Variants in SDCCAG8 observed in about 807,000 individuals in gnomAD.
SDCCAG8 encodes the protein serologically defined colon cancer antigen 8.
SDCCAG8 carries 74 observed loss-of-function variants against 101.8 expected under a neutral mutation model. The ratio of observed to expected loss-of-function variants is 0.73; its 90% confidence interval spans 0.60 to 0.88. The LOEUF is 0.88. Ranked by LOEUF, SDCCAG8 falls within the 40% of genes least tolerant of loss-of-function variation. The probability of loss-of-function intolerance (pLI) is 0.00; values close to 1 mark genes in which losing one functional copy is unlikely to be tolerated. For missense variants in SDCCAG8, 787 were observed against 822.6 expected (o/e 0.96, Z 0.53); for synonymous variants, 281 against 292.9 (o/e 0.96, Z 0.41).
intron 10 of SDCCAG8, among the ~76,000 whole-genome samples, chr1:243,340,307 T>C (rs2075308403): frequency 6.6e-6 from 1 of 152,166 alleles, no homozygotes; most frequent in African/African-American, 2.4e-5. Flanking sequence ...TATTAATCTT[T>C]ACAGTGTGGG....
At chr1:243,359,847 C>T (rs944283795) in intron 12 of SDCCAG8, among the ~76,000 whole-genome samples, 2 of 152,158 alleles carry the variant, frequency 1.3e-5, no homozygotes, top group African/African-American at 2.4e-5. Flanking sequence ...CTTTGTTGTG[C>T]TATGTCTGAT....
rs116492077 is a variant in SDCCAG8, at chr1:243,326,340, G to T, written c.1069-4200G>T. Among the ~76,000 whole-genome samples the T allele has an allele frequency of 3.5e-3, 526 of 152,228 alleles. 2 individuals are homozygous for T. The highest frequency in any genetic ancestry group is 0.012 in the African/African-American group (482 of 41,556). On this transcript the variant is annotated intron_variant, in intron 9 of 17. Transcript: ENST00000366541. ...GGTAGGTTGAACAAATATTTACAAA[G>T]ACTTTTTCTCCCTTTTCAAATATCC...
At chr1:243,498,076 G>A (rs986522047) in intron 17 of SDCCAG8, among the ~76,000 whole-genome samples, 6 of 152,190 alleles carry the variant, frequency 3.9e-5, no homozygotes, top group African/African-American at 1.2e-4. Context: ...ACTGTGTCAA[G>A]AGCGAGGCCA....
intron 3 of SDCCAG8, among the ~76,000 whole-genome samples, chr1:243,274,267 GCACCAAGATTCATTCAT>G (rs2068335421): frequency 1.3e-5 from 2 of 152,292 alleles, no homozygotes; most frequent in African/African-American, 4.8e-5. Flanking sequence ...CATGAGGATA[GCACCAAGATTCATTCAT>G]CATGACCGAA....
intron 13 of SDCCAG8, among the ~76,000 whole-genome samples, chr1:243,382,394 A>T (rs750808157): frequency 4.6e-5 from 7 of 152,170 alleles, no homozygotes; most frequent in Admixed American, 1.3e-4. Context: ...ATTAACTAAG[A>T]ATGGTTTTTA....
chr1:243,471,867 G>A (rs1211742473), intron 16 of SDCCAG8, among the ~76,000 whole-genome samples: 1 of 152,140 alleles, frequency 6.6e-6, no homozygotes, highest in Non-Finnish European at 1.5e-5. Context: ...TGAGACCTCA[G>A]GATTCTACTC....
At chr1:243,489,226 C>A (rs910389811) in intron 17 of SDCCAG8, 86 bp downstream of exon 17, 1 of 1,525,112 alleles carries the variant, frequency 6.6e-7, no homozygotes, top group Admixed American at 1.9e-5. Flanking sequence ...GGCCGGCTTT[C>A]TCACGGATCA....
At chr1:243,355,817 C>T (rs1374148538) in intron 12 of SDCCAG8, among the ~76,000 whole-genome samples, 1 of 152,090 alleles carries the variant, frequency 6.6e-6, no homozygotes, top group African/African-American at 2.4e-5. Context: ...GCTATGTTGC[C>T]CAGGCTGGTT....
At chr1:243,294,709 C>T (rs979196045) in intron 6 of SDCCAG8, among the ~76,000 whole-genome samples, 2 of 136,348 alleles carry the variant, frequency 1.5e-5, no homozygotes, top group African/African-American at 5.4e-5. Flanking sequence ...CCCCCCCCCC[C>T]ACAGCTGCCT....
chr1:243,285,082 C>T (rs772040834), intron 4 of SDCCAG8, among the ~76,000 whole-genome samples: 5 of 152,088 alleles, frequency 3.3e-5, no homozygotes, highest in Admixed American at 6.6e-5. Context: ...GGGGTTTCAC[C>T]GTATTGGCCA....
chr1:243,327,697 A>C (rs2074289265), intron 9 of SDCCAG8, among the ~76,000 whole-genome samples: 1 of 152,106 alleles, frequency 6.6e-6, no homozygotes, highest in Non-Finnish European at 1.5e-5. Flanking sequence ...AGAGAGCTTT[A>C]ATGGAGATAG....
chr1:243,382,676 A>G (rs1348696671), intron 13 of SDCCAG8, among the ~76,000 whole-genome samples: 3 of 152,186 alleles, frequency 2.0e-5, no homozygotes, highest in Admixed American at 2.0e-4. Context: ...TATGTATTTA[A>G]AGAAGGTAAT....
In SDCCAG8 at chr1:243,476,999, TAC is replaced by T. The variant is rs531152514; in HGVS notation, c.1986-11981_1986-11980del. ...TGCAGCTTACTGTCAACTGGTTCTG[TAC>T]ACACACACACACACACACACACACA... On this transcript the variant is annotated intron_variant, in intron 16 of 17. Coordinates refer to ENST00000366541, the MANE Select transcript of SDCCAG8 (RefSeq NM_006642.5). Among the ~76,000 whole-genome samples the T allele has an allele frequency of 2.4e-3, 241 of 102,062 alleles. 2 individuals carry two copies. The highest frequency in any genetic ancestry group is 4.8e-3 in the Middle Eastern group (1 of 208). 67.0% of individuals were successfully genotyped at this position (102,062 alleles called of 152,430 possible).
intron 16 of SDCCAG8, among the ~76,000 whole-genome samples, chr1:243,481,333 G>T (rs1032037441): frequency 2.0e-5 from 3 of 152,132 alleles, no homozygotes; most frequent in Admixed American, 1.3e-4. Flanking sequence ...CTGTGGCCTT[G>T]GTGGCTTAGG....
intron 13 of SDCCAG8, among the ~76,000 whole-genome samples, chr1:243,386,058 T>C (rs987674571): frequency 1.3e-5 from 2 of 152,234 alleles, no homozygotes; most frequent in South Asian, 4.2e-4. Flanking sequence ...AATAATAGAG[T>C]TATAGCTAAC....
intron 4 of SDCCAG8, among the ~76,000 whole-genome samples, chr1:243,285,098 G>A (rs966543579): frequency 6.6e-6 from 1 of 152,128 alleles, no homozygotes; most frequent in African/African-American, 2.4e-5. Flanking sequence ...GGCCAGGCTG[G>A]TCTTGAACCC....
intron 12 of SDCCAG8, among the ~76,000 whole-genome samples, chr1:243,373,766 C>G (rs1206921884): frequency 6.6e-6 from 1 of 152,112 alleles, no homozygotes. Flanking sequence ...GTATTCCACT[C>G]TCAGTGGAAG....
chr1:243,295,491 C>G (rs1029150159), intron 6 of SDCCAG8, among the ~76,000 whole-genome samples: 2 of 152,190 alleles, frequency 1.3e-5, no homozygotes, highest in Admixed American at 6.5e-5. Flanking sequence ...CCGCCTCGGC[C>G]TCCCAAAGTG....
At chr1:243,415,939 G>A (rs2080549825) in intron 14 of SDCCAG8, 110 bp downstream of exon 14, 1 of 1,304,230 alleles carries the variant, frequency 7.7e-7, no homozygotes, top group Non-Finnish European at 1.1e-6. Context: ...GCCGAAGGGA[G>A]CAGATGCTAA....
Sources: gnomAD v4.1 joint callset for allele counts (sites outside exome capture counted in the v4.1 genomes callset) on GRCh38, gnomAD v4.1.1 for gene constraint, MANE v1.5 for transcripts, NCBI Gene and HGNC (gene_info 2026-07-23, HGNC 2026-07-21) for gene names.